Variants in ERI3 observed in about 807,000 individuals in gnomAD.
The protein encoded by ERI3 is ERI1 exoribonuclease 3.
In ERI3, 18 loss-of-function variants were observed where a neutral mutation model predicts 44.4. That is an observed-to-expected ratio of 0.41 (90% CI 0.28 to 0.60). The LOEUF (loss-of-function observed/expected upper bound fraction) is 0.60. Among genes scored for constraint, ERI3 ranks in the 20% least tolerant of loss-of-function variants. The pLI is 0.36. For synonymous variants in ERI3, 183 were observed against 164.8 expected, an observed-to-expected ratio of 1.11 and a Z score of -0.84; for missense variants, 294 against 435.5, an observed-to-expected ratio of 0.68 and a Z score of 2.89.
chr1:44,320,758 GT>G (rs1255694053), intron 3 of ERI3, among the ~76,000 whole-genome samples: 1 of 151,952 alleles, frequency 6.6e-6, no homozygotes, highest in East Asian at 1.9e-4. Flanking sequence ...AATGGAATTA[GT>G]TTACAACACA....
chr1:44,294,803 C>A (rs975349045), intron 6 of ERI3, among the ~76,000 whole-genome samples: 16 of 152,254 alleles, frequency 1.1e-4, no homozygotes, highest in African/African-American at 3.9e-4. Flanking sequence ...GCAGATTGAG[C>A]TGTCTCCAAG....
chr1:44,271,377 T>A (rs898717124), intron 7 of ERI3, among the ~76,000 whole-genome samples: 1 of 152,252 alleles, frequency 6.6e-6, no homozygotes, highest in East Asian at 1.9e-4. Context: ...CACCTGAGAA[T>A]ATACTCATCT....
chr1:44,313,390 C>T (rs1646014832), intron 4 of ERI3, among the ~76,000 whole-genome samples, 162 bp from the exon 5 acceptor site: 1 of 152,132 alleles, frequency 6.6e-6, no homozygotes, highest in African/African-American at 2.4e-5. Flanking sequence ...GGAATAAAGT[C>T]CCAGGACCCA....
chr1:44,297,250 C>T lies in ERI3; in HGVS notation c.758+11060G>A, dbSNP rs570231098. Among the ~76,000 whole-genome samples, 18 of 152,082 alleles carry T rather than the reference C, an allele frequency of 1.2e-4. No individual in the cohort carries two copies. The East Asian group carries it at 3.5e-3, about 29-fold the overall frequency. ...AGCCAGGGACACTGAGAATTTATCCCACCCACTCATAGTTGCCCTTCCCAA... is the reference window on the plus strand; with the variant it reads ...AGCCAGGGACACTGAGAATTTATCCTACCCACTCATAGTTGCCCTTCCCAA... On this transcript the variant is annotated intron_variant, in intron 6 of 8. Coordinates refer to ENST00000372257, the MANE Select transcript of ERI3 (RefSeq NM_024066.3).
At chr1:44,321,043 C>T (rs1572272964) in intron 3 of ERI3, among the ~76,000 whole-genome samples, 1 of 152,202 alleles carries the variant, frequency 6.6e-6, no homozygotes, top group Non-Finnish European at 1.5e-5. Flanking sequence ...CAACACGAAA[C>T]GGATGACACC....
rs751014195 is a variant in ERI3 at position 44,307,918 on chromosome 1, G to A, written c.758+392C>T. 2.0e-5 allele frequency among the ~76,000 whole-genome samples: 3 copies of A among 152,182 alleles called. No homozygotes were observed. In the East Asian group the frequency reaches 5.8e-4, roughly 29 times the overall value. On this transcript the variant is annotated intron_variant, in intron 6 of 8. Transcript: ENST00000372257. ...GCTATAAAATAGGAAGAATAATAAT[G>A]CCTACTTTATATGGTTGACAAATAA...
At chr1:44,345,590 A>G (rs1646768390) in intron 2 of ERI3, among the ~76,000 whole-genome samples, 1 of 152,244 alleles carries the variant, frequency 6.6e-6, no homozygotes, top group South Asian at 2.1e-4. Context: ...CCTGAGTCAC[A>G]GAAACAACAA....
chr1:44,325,074 GC>G (rs1352716054), intron 3 of ERI3, among the ~76,000 whole-genome samples: 1 of 111,154 alleles, frequency 9.0e-6, no homozygotes, highest in African/African-American at 3.5e-5. Context: ...TTTAAACACA[GC>G]TTTTTTTTTT....
At chr1:44,307,454 T>G (rs549087857) in intron 6 of ERI3, among the ~76,000 whole-genome samples, 1 of 152,050 alleles carries the variant, frequency 6.6e-6, no homozygotes, top group African/African-American at 2.4e-5. Context: ...CACGGAATAC[T>G]TGCTGCTACC....
intron 5 of ERI3, among the ~76,000 whole-genome samples, chr1:44,309,070 T>C (rs1645900160): frequency 6.6e-6 from 1 of 152,194 alleles, no homozygotes; most frequent in African/African-American, 2.4e-5. Flanking sequence ...CTGAGCTCAA[T>C]TGCTACAAAG....
At chr1:44,326,596 G>A (rs143865594) in intron 3 of ERI3, among the ~76,000 whole-genome samples, 2 of 152,250 alleles carry the variant, frequency 1.3e-5, no homozygotes, top group East Asian at 1.9e-4. Flanking sequence ...TAAATTACCC[G>A]TCGATTTGTC....
At chr1:44,308,484 G>T in intron 5 of ERI3, 83 bp from the exon 6 acceptor site, 1 of 1,056,584 alleles carries the variant, frequency 9.5e-7, no homozygotes, top group Non-Finnish European at 1.5e-6. Flanking sequence ...ACACAGATAA[G>T]CTGCTTGTAA....
At chr1:44,306,683 A>G (rs1030364816) in intron 6 of ERI3, among the ~76,000 whole-genome samples, 10 of 152,218 alleles carry the variant, frequency 6.6e-5, no homozygotes, top group African/African-American at 2.2e-4. Flanking sequence ...TCATATACAC[A>G]TATATGTACG....
chr1:44,259,698 A>ACACACACACACACACG (rs1644850741), intron 7 of ERI3, among the ~76,000 whole-genome samples: 1 of 149,896 alleles, frequency 6.7e-6, no homozygotes, highest in Non-Finnish European at 1.5e-5. Context: ...AGACACACAC[A>ACACACACACACACACG]CACACACACA....
At chr1:44,250,088 C>A (rs1644643995) in intron 7 of ERI3, among the ~76,000 whole-genome samples, 1 of 152,170 alleles carries the variant, frequency 6.6e-6, no homozygotes, top group Non-Finnish European at 1.5e-5. Context: ...AGAATAACAT[C>A]GTCTACTTTG....
chr1:44,234,038 G>C (rs1644248044), intron 8 of ERI3, among the ~76,000 whole-genome samples: 1 of 152,026 alleles, frequency 6.6e-6, no homozygotes, highest in Non-Finnish European at 1.5e-5. Flanking sequence ...CACTTTTCAT[G>C]CAATTCTCCT....
chr1:44,302,361 C>A lies in ERI3; in HGVS notation c.758+5949G>T, dbSNP rs12024095. ...TAATGGGAAATGAGACAAGTCAGGA[C>A]TGGCAGGGAGTTCTTACTCAAGCCC... On this transcript the variant is annotated intron_variant, in intron 6 of 8. Coordinates refer to ENST00000372257, the MANE Select transcript of ERI3 (RefSeq NM_024066.3). 3.9e-5 allele frequency among the ~76,000 whole-genome samples: 6 copies of A among 152,340 alleles called. No individual in the cohort carries two copies. In the East Asian group the frequency reaches 1.2e-3, roughly 29 times the overall value.
intron 8 of ERI3, among the ~76,000 whole-genome samples, chr1:44,236,547 A>T (rs916265177): frequency 6.6e-6 from 1 of 152,080 alleles, no homozygotes; most frequent in Non-Finnish European, 1.5e-5. Flanking sequence ...AGGAAGAGTT[A>T]ATTAGGTTGT....
intron 8 of ERI3, among the ~76,000 whole-genome samples, chr1:44,236,175 T>C (rs572573338): frequency 2.0e-5 from 3 of 152,138 alleles, no homozygotes; most frequent in Admixed American, 6.5e-5. Flanking sequence ...CCTAGCTGCC[T>C]CCCCCTGCCC....
Sources: allele counts gnomAD v4.1 joint callset (sites outside exome capture counted in the v4.1 genomes callset), GRCh38; gene constraint gnomAD v4.1.1; transcripts MANE v1.5; gene names NCBI Gene and HGNC (gene_info 2026-07-23, HGNC 2026-07-21).